The following SLC67A1 variants were observed in gnomAD, a reference collection of about 807,000 sequenced individuals.
The protein encoded by SLC67A1 is solute carrier family 67 member A1.
At chr11:2,925,213 A>G in the SLC67A1 span, 1 of 1,608,440 alleles carries the variant, frequency 6.2e-7, no homozygotes, top group Non-Finnish European at 8.5e-7. This position sits in a 1 kb window ranked among gnomAD's most constrained non-coding sequence, Gnocchi z 6.5. Context: ...GCCCAGACAC[A>G]GACTGGCAAT....
At chr11:2,903,574 G>A in the SLC67A1 span, 1 of 1,478,468 alleles carries the variant, frequency 6.8e-7, no homozygotes, top group Non-Finnish European at 9.3e-7. Context: ...GTCGCAGAGA[G>A]TGGGGGTGGG....
At chr11:2,902,806 G>A in the SLC67A1 span, 1 of 916,254 alleles carries the variant, frequency 1.1e-6, no homozygotes, top group Non-Finnish European at 1.3e-6. Context: ...AGCTCTGGCT[G>A]CTGGCCACAG....
the SLC67A1 span, chr11:2,909,535 A>G: frequency 1.3e-6 from 2 of 1,498,284 alleles, no homozygotes; most frequent in Admixed American, 4.2e-5. Flanking sequence ...GAAGGGCCCC[A>G]CCGAGGGGCT....
the SLC67A1 span, among the ~76,000 whole-genome samples, chr11:2,912,074 C>T: frequency 2.6e-5 from 4 of 152,214 alleles, no homozygotes; most frequent in Non-Finnish European, 5.9e-5. Context: ...CATGGAGCTC[C>T]CCAGTCCCCG....
At chr11:2,910,408 C>G in the SLC67A1 span, among the ~76,000 whole-genome samples, 4 of 152,114 alleles carry the variant, frequency 2.6e-5, no homozygotes, top group Non-Finnish European at 5.9e-5. Flanking sequence ...ACTGGGGGCT[C>G]GATGGATGGG....
At chr11:2,914,949 C>T in the SLC67A1 span, 1 of 985,452 alleles carries the variant, frequency 1.0e-6, no homozygotes, top group Middle Eastern at 5.2e-4. Context: ...AGCCGTTCCC[C>T]TTCCCTGGCA....
chr11:2,924,204 G>A, the SLC67A1 span, among the ~76,000 whole-genome samples: 22 of 152,326 alleles, frequency 1.4e-4, no homozygotes, highest in African/African-American at 4.8e-4. This position sits in a 1 kb window ranked among gnomAD's most constrained non-coding sequence, Gnocchi z 8.6. Flanking sequence ...GTGGAGATGC[G>A]GTGTCAGGGA....
chr11:2,921,995 C>T, the SLC67A1 span: 1 of 818,872 alleles, frequency 1.2e-6, no homozygotes, highest in Non-Finnish European at 2.1e-6. Context: ...GGGCCCTGGC[C>T]ACCACAGGCC....
At chr11:2,917,694 A>G in the SLC67A1 span, among the ~76,000 whole-genome samples, 1 of 152,220 alleles carries the variant, frequency 6.6e-6, no homozygotes, top group Non-Finnish European at 1.5e-5. Flanking sequence ...CCGCCACTGC[A>G]TGCCCAGGTT....
chr11:2,907,966 C>T, the SLC67A1 span, among the ~76,000 whole-genome samples: 22 of 152,280 alleles, frequency 1.4e-4, 1 homozygote, highest in African/African-American at 3.9e-4. This position sits in a 1 kb window ranked among gnomAD's most constrained non-coding sequence, Gnocchi z 6.7. Flanking sequence ...CTCTCTGGGG[C>T]GTGCCCCCAG....
the SLC67A1 span, chr11:2,902,298 T>G: frequency 6.6e-6 from 1 of 152,070 alleles, no homozygotes; most frequent in South Asian, 2.1e-4. Flanking sequence ...GAAGGACCGG[T>G]GTCTAGGTCA....
chr11:2,919,058 C>T, the SLC67A1 span: 1 of 524,118 alleles, frequency 1.9e-6, no homozygotes, highest in African/African-American at 2.0e-5. Flanking sequence ...TGGGTCCCTC[C>T]CTTCCAGCAC....
Sources: allele counts gnomAD v4.1 joint callset (sites outside exome capture counted in the v4.1 genomes callset), GRCh38; gene constraint gnomAD v4.1.1; non-coding constraint Gnocchi (gnomAD v3.1); transcripts MANE v1.5; gene names NCBI Gene and HGNC (gene_info 2026-07-23, HGNC 2026-07-21).